CAMK1D: variants seen among roughly 807,000 people sequenced by gnomAD.
CAMK1D encodes the protein calcium/calmodulin-dependent protein kinase type 1D.
CAMK1D carries 9 observed loss-of-function variants against 47.7 expected under a neutral mutation model. The ratio of observed to expected loss-of-function variants is 0.19; its 90% CI spans 0.11 to 0.33. The LOEUF (loss-of-function observed/expected upper bound fraction) is 0.33, where lower values mean the gene tolerates loss of function less well. CAMK1D is among the 10% of genes least tolerant of loss of function. The pLI is 1.00. For missense variants in CAMK1D, 291 were observed against 488.7 expected, an observed-to-expected ratio of 0.60 and a Z score of 3.81; for synonymous variants, 184 against 184.9, an observed-to-expected ratio of 0.99 and a Z score of 0.04.
Position 12,724,344 on chromosome 10 carries a change from C to T in CAMK1D, c.300-36604C>T, listed in dbSNP as rs561859411. 1.2e-4 allele frequency among the ~76,000 whole-genome samples: 19 copies of T among 152,262 alleles called. No individual in the cohort carries two copies. The South Asian group carries it at 3.5e-3, about 28-fold the overall frequency. ...TTAACAAAGTGAGGAAAATGGCATT[C>T]GTGTGCATGGAGAAGGGACTCTGGG... On this transcript the variant is annotated intron_variant, in intron 3 of 10. Coordinates refer to ENST00000619168, the MANE Select transcript of CAMK1D (RefSeq NM_153498.4).
In CAMK1D at chr10:12,751,095, A is replaced by C. The variant is rs900167505; in HGVS notation, c.300-9853A>C. Among the ~76,000 whole-genome samples the C allele has an allele frequency of 2.3e-4, 29 of 126,764 alleles. 1 individual carries two copies. The highest frequency in any genetic ancestry group is 1.0e-3 in the African/African-American group (29 of 27,660). 83.2% of individuals were successfully genotyped at this position (126,764 alleles called of 152,430 possible). A position where few individuals can be genotyped will look rare whatever the true frequency, so the allele number is the denominator to read the frequency against. On this transcript the variant is annotated intron_variant, in intron 3 of 10. Transcript: ENST00000619168. ...AGATAAGATAAGATAAGATAAGATA[A>C]GATAAGATAAGATAAGATAAGATAA...
At chr10:12,402,668 C>T (rs1839270843) in intron 1 of CAMK1D, among the ~76,000 whole-genome samples, 1 of 152,106 alleles carries the variant, frequency 6.6e-6, no homozygotes, top group Non-Finnish European at 1.5e-5. Context: ...AGTCCTGGAA[C>T]AGGGGAGTCA....
intron 6 of CAMK1D, among the ~76,000 whole-genome samples, chr10:12,807,405 T>A (rs1838781420): frequency 1.3e-5 from 2 of 152,176 alleles, no homozygotes; most frequent in Admixed American, 1.3e-4. Context: ...TCCCGGCCCA[T>A]GCTCTGCCCT....
At chr10:12,596,584 C>T (rs898622774) in intron 2 of CAMK1D, among the ~76,000 whole-genome samples, 4 of 152,094 alleles carry the variant, frequency 2.6e-5, no homozygotes, top group Admixed American at 6.6e-5. Flanking sequence ...TCCTAGGTAC[C>T]GATTTCTAGG....
chr10:12,774,883 C>CCGTAT (rs1837212468), intron 5 of CAMK1D, among the ~76,000 whole-genome samples: 1 of 152,290 alleles, frequency 6.6e-6, no homozygotes, highest in African/African-American at 2.4e-5. Flanking sequence ...ATCCCCAATA[C>CCGTAT]CGTATCCTTG....
At chr10:12,542,260 T>C (rs1478039685) in intron 1 of CAMK1D, among the ~76,000 whole-genome samples, 1 of 152,126 alleles carries the variant, frequency 6.6e-6, no homozygotes, top group Non-Finnish European at 1.5e-5. Flanking sequence ...AAAAGAACAT[T>C]TTAATTTATG....
At chr10:12,635,108 T>C (rs940843101) in intron 2 of CAMK1D, among the ~76,000 whole-genome samples, 1 of 151,996 alleles carries the variant, frequency 6.6e-6, no homozygotes, top group African/African-American at 2.4e-5. Context: ...TGGAAGCTGA[T>C]AGGAGCTGTG....
At chr10:12,496,270 T>C (rs1318120152) in intron 1 of CAMK1D, among the ~76,000 whole-genome samples, 1 of 152,212 alleles carries the variant, frequency 6.6e-6, no homozygotes, top group Non-Finnish European at 1.5e-5. Context: ...CTATATCAGT[T>C]AGGGTCAAGA....
chr10:12,436,682 C>T (rs184649967), intron 1 of CAMK1D, among the ~76,000 whole-genome samples: 32 of 152,292 alleles, frequency 2.1e-4, no homozygotes, highest in African/African-American at 7.7e-4. Context: ...AGCAAAGCCC[C>T]ATGGGGGCAT....
At chr10:12,416,383 AC>A (rs1839851783) in intron 1 of CAMK1D, among the ~76,000 whole-genome samples, 1 of 152,124 alleles carries the variant, frequency 6.6e-6, no homozygotes, top group Admixed American at 6.5e-5. Context: ...TGTATGTAAA[AC>A]TTTGCTTGTT....
At chr10:12,367,199 AG>A (rs1474641578) in intron 1 of CAMK1D, among the ~76,000 whole-genome samples, 1 of 151,204 alleles carries the variant, frequency 6.6e-6, no homozygotes, top group Non-Finnish European at 1.5e-5. Flanking sequence ...CCAGCTTCTT[AG>A]TTGCTTCATG....
At chr10:12,751,943 C>T (rs917067751) in intron 3 of CAMK1D, among the ~76,000 whole-genome samples, 8 of 151,616 alleles carry the variant, frequency 5.3e-5, no homozygotes, top group Non-Finnish European at 1.0e-4. Context: ...TTTGTTTTGT[C>T]TTTGCTCTTT....
At chr10:12,493,298 T>A (rs971258433) in intron 1 of CAMK1D, among the ~76,000 whole-genome samples, 4 of 152,088 alleles carry the variant, frequency 2.6e-5, no homozygotes, top group Non-Finnish European at 1.5e-5. Context: ...TTTGGGGTGC[T>A]CACAGGGCTC....
intron 1 of CAMK1D, among the ~76,000 whole-genome samples, chr10:12,470,964 G>A (rs565924854): frequency 3.7e-4 from 56 of 152,294 alleles, no homozygotes; most frequent in African/African-American, 1.3e-3. Context: ...TGCTCCAGGA[G>A]CCCTGGTTGA....
intron 1 of CAMK1D, among the ~76,000 whole-genome samples, chr10:12,550,647 T>C (rs1439695129): frequency 6.6e-6 from 1 of 152,232 alleles, no homozygotes; most frequent in African/African-American, 2.4e-5. Flanking sequence ...TAGTGATGAT[T>C]GTTCTGGCAG....
chr10:12,532,927 A>G (rs1835855759), intron 1 of CAMK1D, among the ~76,000 whole-genome samples: 1 of 120,680 alleles, frequency 8.3e-6, no homozygotes, highest in Non-Finnish European at 1.6e-5. Flanking sequence ...GAGTAGAAGA[A>G]TGGCTTCTAG....
chr10:12,638,748 G>A (rs1253989263), intron 2 of CAMK1D, among the ~76,000 whole-genome samples: 2 of 152,206 alleles, frequency 1.3e-5, no homozygotes, highest in African/African-American at 4.8e-5. Context: ...CACGTAGGCT[G>A]TGCAGCCCCA....
chr10:12,718,919 A>G (rs1834261259), intron 3 of CAMK1D, among the ~76,000 whole-genome samples: 1 of 152,212 alleles, frequency 6.6e-6, no homozygotes, highest in Admixed American at 6.5e-5. Context: ...TAAGTCATGT[A>G]CTGCTCATCT....
rs1041435700 is a variant in CAMK1D, at chr10:12,373,888, A to G, written c.92+23978A>G. ...TCAGGAGTTCGAGACCAGGGTGGCC[A>G]ACATGGTGAAACCCCATCTCTACTA... On this transcript the variant is annotated intron_variant, in intron 1 of 10. Transcript: ENST00000619168. 4.6e-5 allele frequency among the ~76,000 whole-genome samples: 7 copies of G among 151,184 alleles called. No homozygotes were observed. In the Admixed American group the frequency reaches 4.6e-4, roughly 10 times the overall value.
Sources: allele counts gnomAD v4.1 joint callset (sites outside exome capture counted in the v4.1 genomes callset), GRCh38; gene constraint gnomAD v4.1.1; transcripts MANE v1.5; gene names NCBI Gene and HGNC (gene_info 2026-07-23, HGNC 2026-07-21).